HS3ST4: variants seen among roughly 807,000 people sequenced by gnomAD.
The protein encoded by HS3ST4 is heparan sulfate-glucosamine 3-sulfotransferase 4.
In HS3ST4, 17 loss-of-function variants were observed where a neutral mutation model predicts 29.2. The observed-to-expected ratio is 0.58, with a 90% CI of 0.40 to 0.87. The LOEUF (loss-of-function observed/expected upper bound fraction) is 0.87, where lower values mean the gene tolerates loss of function less well. Among genes scored for constraint, HS3ST4 ranks in the 40% least tolerant of loss-of-function variants. The probability of loss-of-function intolerance (pLI) is 0.00; values close to 1 mark genes in which losing one functional copy is unlikely to be tolerated. For missense variants in HS3ST4, 627 were observed against 634.5 expected, an observed-to-expected ratio of 0.99 and a Z score of 0.13; for synonymous variants, 314 against 285.7, an observed-to-expected ratio of 1.10 and a Z score of -1.00.
chr16:26,018,232 A>G (rs1969378690), intron 1 of HS3ST4, among the ~76,000 whole-genome samples: 1 of 152,184 alleles, frequency 6.6e-6, no homozygotes, highest in African/African-American at 2.4e-5. Flanking sequence ...CCAAAGATGA[A>G]TAACTAAATG....
At chr16:25,753,287 A>G (rs893718567) in intron 1 of HS3ST4, among the ~76,000 whole-genome samples, 1 of 152,222 alleles carries the variant, frequency 6.6e-6, no homozygotes, top group African/African-American at 2.4e-5. Flanking sequence ...CGTTTGTCCA[A>G]CTTGAGACAT....
chr16:25,894,553 T>G (rs1416607112), intron 1 of HS3ST4, among the ~76,000 whole-genome samples: 2 of 151,642 alleles, frequency 1.3e-5, no homozygotes, highest in Non-Finnish European at 2.9e-5. Flanking sequence ...TCACCCAGGC[T>G]GGAGTGCAAT....
At chr16:25,864,039 A>G (rs936227314) in intron 1 of HS3ST4, among the ~76,000 whole-genome samples, 1 of 136,372 alleles carries the variant, frequency 7.3e-6, no homozygotes, top group Non-Finnish European at 1.7e-5. Context: ...TCGCGTGGGC[A>G]TCCTCTGTGC....
intron 1 of HS3ST4, among the ~76,000 whole-genome samples, chr16:25,933,951 A>T (rs1968491020): frequency 6.6e-6 from 1 of 152,236 alleles, no homozygotes; most frequent in Admixed American, 6.5e-5. Context: ...TGGAGGTCGC[A>T]TGTGAACATG....
chr16:25,725,366 C>T (rs7203450), intron 1 of HS3ST4, among the ~76,000 whole-genome samples: 24,185 of 152,042 alleles, frequency 0.16, 2,402 homozygotes, highest in African/African-American at 0.26. Flanking sequence ...CGGTTTTTAA[C>T]GTAAACATTG....
chr16:26,004,959 A>C (rs920873632), intron 1 of HS3ST4, among the ~76,000 whole-genome samples: 11 of 151,954 alleles, frequency 7.2e-5, no homozygotes, highest in Non-Finnish European at 2.9e-5. Context: ...TTTTTATTAC[A>C]TTGCCTGTGG....
chr16:25,720,652 T>C (rs549220342), intron 1 of HS3ST4, among the ~76,000 whole-genome samples: 2 of 152,316 alleles, frequency 1.3e-5, no homozygotes, highest in East Asian at 3.9e-4. Context: ...ACTAATCCAA[T>C]GCTTGCACCA....
intron 1 of HS3ST4, among the ~76,000 whole-genome samples, chr16:25,733,981 G>A (rs1966589294): frequency 6.6e-6 from 1 of 152,178 alleles, no homozygotes; most frequent in Non-Finnish European, 1.5e-5. Context: ...GTTGGGAGTG[G>A]TGGCATGCAC....
intron 1 of HS3ST4, among the ~76,000 whole-genome samples, chr16:25,745,136 AG>A (rs1276200349): frequency 2.0e-5 from 3 of 152,134 alleles, no homozygotes; most frequent in Non-Finnish European, 4.4e-5. Flanking sequence ...TAGTTGCAAG[AG>A]GGCCTGGAAA....
At chr16:25,936,182 T>G (rs761876554) in intron 1 of HS3ST4, among the ~76,000 whole-genome samples, 1 of 152,196 alleles carries the variant, frequency 6.6e-6, no homozygotes, top group Non-Finnish European at 1.5e-5. Context: ...ATTATGTGGA[T>G]TTCCAGCAGG....
At chr16:25,808,561 A>G (rs528285955) in intron 1 of HS3ST4, among the ~76,000 whole-genome samples, 1 of 151,730 alleles carries the variant, frequency 6.6e-6, no homozygotes, top group African/African-American at 2.4e-5. Context: ...CTCTCCTTTT[A>G]TTTTTCTTTT....
At chr16:26,101,718 G>A (rs1341101140) in intron 1 of HS3ST4, among the ~76,000 whole-genome samples, 2 of 152,196 alleles carry the variant, frequency 1.3e-5, no homozygotes, top group Non-Finnish European at 2.9e-5. Context: ...ATGGATGGAT[G>A]AACTTTTTCC....
At chr16:25,969,385 A>T (rs73521527) in intron 1 of HS3ST4, among the ~76,000 whole-genome samples, 3,117 of 152,340 alleles carry the variant, frequency 0.02, 119 homozygotes, top group African/African-American at 0.072. Context: ...ATTTCAGCTT[A>T]ACTGATTCAA....
intron 1 of HS3ST4, among the ~76,000 whole-genome samples, chr16:25,904,145 TGGA>T (rs2141674978): frequency 1.3e-5 from 1 of 79,564 alleles, no homozygotes; most frequent in East Asian, 2.5e-4. Context: ...GATGGATGGA[TGGA>T]TGGATGAATG....
At chr16:25,927,141 A>G (rs928272313) in intron 1 of HS3ST4, among the ~76,000 whole-genome samples, 8 of 152,248 alleles carry the variant, frequency 5.3e-5, no homozygotes, top group African/African-American at 1.9e-4. Flanking sequence ...CAGCTAAATC[A>G]ACTGCATGCT....
intron 1 of HS3ST4, among the ~76,000 whole-genome samples, chr16:25,732,937 A>G (rs1398457677): frequency 6.6e-6 from 1 of 152,200 alleles, no homozygotes; most frequent in African/African-American, 2.4e-5. Flanking sequence ...CTACACATCA[A>G]TAAAATGGCA....
chr16:25,722,831 T>A (rs1366094265), intron 1 of HS3ST4, among the ~76,000 whole-genome samples: 1 of 152,156 alleles, frequency 6.6e-6, no homozygotes, highest in East Asian at 1.9e-4. Flanking sequence ...GTTGTAAGGA[T>A]TACATGAGAT....
intron 1 of HS3ST4, among the ~76,000 whole-genome samples, chr16:25,697,776 G>A (rs903079814): frequency 4.6e-5 from 7 of 151,972 alleles, no homozygotes; most frequent in African/African-American, 4.8e-5. Context: ...TGCTTCAAGC[G>A]ATTATCCTGT....
intron 1 of HS3ST4, among the ~76,000 whole-genome samples, chr16:25,962,595 G>T (rs1230731198): frequency 6.6e-6 from 1 of 152,120 alleles, no homozygotes; most frequent in African/African-American, 2.4e-5. Flanking sequence ...TTTCCGGGGT[G>T]GCTCTCCTCC....
Sources: allele counts gnomAD v4.1 joint callset (sites outside exome capture counted in the v4.1 genomes callset), GRCh38; gene constraint gnomAD v4.1.1; transcripts MANE v1.5; gene names NCBI Gene and HGNC (gene_info 2026-07-23, HGNC 2026-07-21).